DLC1: variants seen among roughly 807,000 people sequenced by gnomAD.
DLC1 encodes DLC1 Rho GTPase activating protein.
Under a neutral mutation model 140.3 loss-of-function variants are expected in DLC1, and 54 were observed. The observed-to-expected ratio is 0.38, with a 90% CI of 0.31 to 0.48. DLC1 has a LOEUF of 0.48. Among genes scored for constraint, DLC1 ranks in the 20% least tolerant of loss-of-function variants. The pLI is 0.96. For synonymous variants in DLC1, 986 were observed against 728.1 expected, an observed-to-expected ratio of 1.35 and a Z score of -5.70; for missense variants, 2,536 against 1,907.0, an observed-to-expected ratio of 1.33 and a Z score of -6.14.
chr8:13,456,778 A>G (rs1008847564), intron 2 of DLC1, among the ~76,000 whole-genome samples: 12 of 152,132 alleles, frequency 7.9e-5, no homozygotes, highest in Admixed American at 2.0e-4. Context: ...ACTGCTTTGC[A>G]GGGCCTTTGG....
intron 2 of DLC1, among the ~76,000 whole-genome samples, chr8:13,468,339 T>TCCCCC (rs1563373506): frequency 1.2e-4 from 7 of 59,888 alleles, no homozygotes; most frequent in East Asian, 5.4e-4. Flanking sequence ...CTTCCCCCCA[T>TCCCCC]TCCCCTCCCC....
At chr8:13,110,872 T>C in intron 6 of DLC1, 49 bp from the exon 7 acceptor site, 28 of 1,569,636 alleles carry the variant, frequency 1.8e-5, no homozygotes, top group Non-Finnish European at 2.4e-5. Context: ...AAAACCCAAT[T>C]TGCCAAATAG....
At chr8:13,162,757 C>G (rs1223016140) in intron 5 of DLC1, among the ~76,000 whole-genome samples, 1 of 152,090 alleles carries the variant, frequency 6.6e-6, no homozygotes, top group Admixed American at 6.5e-5. Flanking sequence ...CTGGGCAGCA[C>G]AGTGAGACCC....
At chr8:13,573,529 C>A (rs1804737560) in intron 1 of DLC1, among the ~76,000 whole-genome samples, 1 of 152,100 alleles carries the variant, frequency 6.6e-6, no homozygotes, top group Admixed American at 6.5e-5. Context: ...TTGTTTTGTT[C>A]CTGATCTTAG....
At chr8:13,292,065 A>C (rs1831777750) in intron 5 of DLC1, among the ~76,000 whole-genome samples, 1 of 151,694 alleles carries the variant, frequency 6.6e-6, no homozygotes, top group Non-Finnish European at 1.5e-5. Context: ...TCTTTTCTTC[A>C]GGAAAATGTC....
At chr8:13,306,010 G>C (rs1832407368) in intron 4 of DLC1, among the ~76,000 whole-genome samples, 1 of 152,164 alleles carries the variant, frequency 6.6e-6, no homozygotes, top group Non-Finnish European at 1.5e-5. Flanking sequence ...GTGCACACAA[G>C]TGAGGTATCT....
At position 13,576,890 on chromosome 8, in the gene DLC1, G is replaced by A. The variant is rs192712572; in HGVS notation, c.-126+27647C>T. Among the ~76,000 whole-genome samples the A allele has an allele frequency of 6.5e-4, 99 of 152,308 alleles. 2 individuals are homozygous for A. The highest frequency in any genetic ancestry group is 4.3e-3 in the Admixed American group (65 of 15,294). ...GTCCCTTTGAAGGTTAAGGCCAAGC[G>A]TGGCTGTTGAAAATGGCACTGAACA... On this transcript the variant is annotated intron_variant, in intron 1 of 1. Coordinates refer to the DLC1 transcript ENST00000631382.
At chr8:13,289,116 G>A (rs889768798) in intron 5 of DLC1, among the ~76,000 whole-genome samples, 6 of 152,058 alleles carry the variant, frequency 3.9e-5, no homozygotes, top group African/African-American at 9.7e-5. Flanking sequence ...ATGCCATCTG[G>A]CTTCCCAGGG....
At chr8:13,575,660 CAT>C in intron 1 of DLC1, among the ~76,000 whole-genome samples, 1 of 152,244 alleles carries the variant, frequency 6.6e-6, no homozygotes, top group East Asian at 1.9e-4. Flanking sequence ...TGAAATACAT[CAT>C]GTTTCATTTA....
At chr8:13,589,650 A>T (rs1029125879) in intron 1 of DLC1, among the ~76,000 whole-genome samples, 3 of 147,662 alleles carry the variant, frequency 2.0e-5, no homozygotes, top group African/African-American at 7.4e-5. Context: ...GTGAATTGTT[A>T]TGTTCATCCT....
chr8:13,453,400 A>ATGTGTGTATATATATATATATATATATG (rs1166173314), intron 2 of DLC1, among the ~76,000 whole-genome samples: 1 of 38,862 alleles, frequency 2.6e-5, no homozygotes, highest in Non-Finnish European at 4.9e-5. Flanking sequence ...ATATATATAT[A>ATGTGTGTATATATATATATATATATATG]TGTGTATATA....
At chr8:13,595,723 T>C (rs1805660669) in intron 1 of DLC1, among the ~76,000 whole-genome samples, 1 of 152,052 alleles carries the variant, frequency 6.6e-6, no homozygotes, top group African/African-American at 2.4e-5. Context: ...TGTGAAAATA[T>C]GTATTTTTAA....
intron 7 of DLC1, among the ~76,000 whole-genome samples, chr8:13,104,380 A>G (rs557042116): frequency 6.6e-6 from 1 of 151,266 alleles, no homozygotes; most frequent in South Asian, 2.1e-4. Context: ...AACCTCATGG[A>G]GAAATAATGC....
chr8:13,089,615 A>G (rs1317176845), intron 15 of DLC1, among the ~76,000 whole-genome samples: 1 of 152,192 alleles, frequency 6.6e-6, no homozygotes, highest in Non-Finnish European at 1.5e-5. Context: ...ACAGAGCAAG[A>G]CTCCATCTCA....
intron 2 of DLC1, among the ~76,000 whole-genome samples, chr8:13,403,787 A>G (rs1273589421): frequency 7.3e-6 from 1 of 137,836 alleles, no homozygotes; most frequent in Non-Finnish European, 1.5e-5. Context: ...TACTATAGGC[A>G]TGTACCACCA....
At chr8:13,468,861 GCC>G (rs1800074746) in intron 2 of DLC1, among the ~76,000 whole-genome samples, 4 of 116,302 alleles carry the variant, frequency 3.4e-5, no homozygotes, top group Non-Finnish European at 6.5e-5. Flanking sequence ...TCGCTCTGTT[GCC>G]AGGCTGGAGT....
chr8:13,565,324 C>A (rs1424719340), intron 1 of DLC1, among the ~76,000 whole-genome samples: 1 of 152,018 alleles, frequency 6.6e-6, no homozygotes, highest in Non-Finnish European at 1.5e-5. Flanking sequence ...AGTATAGCTC[C>A]CTTGTTCAAT....
Position 13,401,415 on chromosome 8 carries a change from T to A in DLC1, c.1173+55A>T, listed in dbSNP as rs561853959. The stretch of plus-strand genomic sequence containing the variant: ...TGTTGCCTTTGCAAGAGGGACTGTA[T>A]AAGGTCAAGAGTTACGACTCCTATG... On this transcript the variant is annotated intron_variant, in intron 3 of 17. Coordinates refer to ENST00000276297, the MANE Select transcript of DLC1 (RefSeq NM_182643.3). 81 of 1,594,854 alleles carry A rather than the reference T, an allele frequency of 5.1e-5. No individual in the cohort carries two copies. In the East Asian group the frequency reaches 1.8e-3, roughly 35 times the overall value.
chr8:13,585,653 A>G (rs939528397), intron 1 of DLC1, among the ~76,000 whole-genome samples: 8 of 152,144 alleles, frequency 5.3e-5, no homozygotes, highest in Non-Finnish European at 1.0e-4. Context: ...GAGGGCTGTG[A>G]GGGAGAATCT....
Sources: gnomAD v4.1 joint callset for allele counts (sites outside exome capture counted in the v4.1 genomes callset) on GRCh38, gnomAD v4.1.1 for gene constraint, MANE v1.5 for transcripts, NCBI Gene and HGNC (gene_info 2026-07-23, HGNC 2026-07-21) for gene names.